The following SPON1 variants were observed in gnomAD, a reference collection of about 807,000 sequenced individuals.
SPON1 encodes spondin 1.
In SPON1, 52 loss-of-function variants were observed where a neutral mutation model predicts 111.7. That is an observed-to-expected ratio of 0.47 (90% confidence interval 0.37 to 0.59). The LOEUF (loss-of-function observed/expected upper bound fraction) is 0.59. Among genes scored for constraint, SPON1 ranks in the 20% least tolerant of loss-of-function variants. SPON1 has a pLI of 0.00. For synonymous variants in SPON1, 410 were observed against 395.8 expected (o/e 1.04, Z -0.43); for missense variants, 957 against 1,068.5 (o/e 0.90, Z 1.46).
At chr11:14,179,992 C>A (rs1367104550) in intron 6 of SPON1, among the ~76,000 whole-genome samples, 2 of 152,140 alleles carry the variant, frequency 1.3e-5, no homozygotes, top group Non-Finnish European at 2.9e-5. Flanking sequence ...GTTTCTTCAT[C>A]CCTCACCTGA....
chr11:14,256,572 CT>C (rs1554941231), intron 9 of SPON1, 44 bp from the exon 10 acceptor site: 1 of 1,381,696 alleles, frequency 7.2e-7, no homozygotes, highest in African/African-American at 1.4e-5. Flanking sequence ...TACACATTCC[CT>C]TCTTTCTCTC....
chr11:14,075,451 AGAGACAT>A, intron 4 of SPON1, 33 bp downstream of exon 4: 1 of 1,468,032 alleles, frequency 6.8e-7, no homozygotes, highest in South Asian at 1.2e-5. Context: ...GGGGAGGGGC[AGAGACAT>A]GGAAGGCAGC....
chr11:14,251,015 A>T (rs782636548), intron 7 of SPON1, among the ~76,000 whole-genome samples: 1 of 152,196 alleles, frequency 6.6e-6, no homozygotes, highest in African/African-American at 2.4e-5. Context: ...TCCTCACTCT[A>T]TTGGAACCTG....
At chr11:14,204,046 G>T (rs550689357) in intron 6 of SPON1, among the ~76,000 whole-genome samples, 71 of 152,274 alleles carry the variant, frequency 4.7e-4, no homozygotes, top group African/African-American at 1.6e-3. Context: ...TCGGTGTAAT[G>T]GCAATCTTCT....
chr11:14,011,108 C>T (rs2133798444), intron 2 of SPON1, among the ~76,000 whole-genome samples: 2 of 152,240 alleles, frequency 1.3e-5, no homozygotes, highest in Middle Eastern at 3.4e-3. Context: ...CTCCTATCCT[C>T]GGCAGCTGAG....
At chr11:14,100,036 A>C (rs1554924240) in intron 5 of SPON1, among the ~76,000 whole-genome samples, 2 of 152,116 alleles carry the variant, frequency 1.3e-5, no homozygotes, top group African/African-American at 4.8e-5. Flanking sequence ...CCCCATCTCC[A>C]ATACTGGGGG....
intron 3 of SPON1, among the ~76,000 whole-genome samples, chr11:14,050,306 T>C (rs545676854): frequency 1.3e-5 from 2 of 152,324 alleles, no homozygotes; most frequent in South Asian, 4.2e-4. Context: ...TTCTTTGTGG[T>C]CATAATGTAG....
At chr11:14,224,103 C>T (rs1383058033) in intron 6 of SPON1, among the ~76,000 whole-genome samples, 3 of 152,170 alleles carry the variant, frequency 2.0e-5, no homozygotes, top group Non-Finnish European at 4.4e-5. Flanking sequence ...ATTAAACAAA[C>T]ATTTATTTAA....
Position 14,162,944 on chromosome 11 carries a change from TC to T in SPON1, c.825+27377del, listed in dbSNP as rs202106651. Reference sequence around the variant, plus strand: ...TGCAAAGAGGTTAAGTGTTGGCTAGTCAAGAGAGCTTCTGCAATACAGTTAT... The same window carrying T: ...TGCAAAGAGGTTAAGTGTTGGCTAGTAAGAGAGCTTCTGCAATACAGTTAT... On this transcript the variant is annotated intron_variant, in intron 6 of 15. Transcript: ENST00000576479. Among the ~76,000 whole-genome samples the T allele has an allele frequency of 5.6e-4, 86 of 152,298 alleles. 1 individual carries two copies. In the East Asian group the frequency reaches 0.016, roughly 28 times the overall value.
intron 6 of SPON1, among the ~76,000 whole-genome samples, chr11:14,200,221 T>G (rs1283507097): frequency 6.6e-6 from 1 of 152,204 alleles, no homozygotes; most frequent in Non-Finnish European, 1.5e-5. Context: ...GTTTATAGCT[T>G]GTCTTGTGTG....
In SPON1 at chr11:14,179,593, C is replaced by T. The variant is rs578037433; in HGVS notation, c.825+44025C>T. On this transcript the variant is annotated intron_variant, in intron 6 of 15. Transcript: ENST00000576479. ...ACATATCTGACTGGGACTGCCAGTG[C>T]TGTGTGACCTTGAGCAAGTTACTTA... 6.6e-5 allele frequency among the ~76,000 whole-genome samples: 10 copies of T among 152,246 alleles called. No homozygotes were observed. The South Asian group carries it at 2.1e-3, about 32-fold the overall frequency.
At chr11:14,240,079 C>A (rs782125094) in intron 6 of SPON1, among the ~76,000 whole-genome samples, 3 of 152,146 alleles carry the variant, frequency 2.0e-5, no homozygotes, top group Non-Finnish European at 4.4e-5. Context: ...TTTATGAAAA[C>A]AACTAAATAT....
intron 5 of SPON1, among the ~76,000 whole-genome samples, chr11:14,116,540 G>A (rs1454287126): frequency 6.6e-6 from 1 of 152,092 alleles, no homozygotes; most frequent in African/African-American, 2.4e-5. Flanking sequence ...CTGTACATCT[G>A]TGGGTCTGTT....
chr11:14,154,121 T>G (rs1354245114), intron 6 of SPON1, among the ~76,000 whole-genome samples: 5 of 152,158 alleles, frequency 3.3e-5, no homozygotes, highest in African/African-American at 1.2e-4. Context: ...AGGCACATGG[T>G]GCAAGCTGTT....
intron 3 of SPON1, among the ~76,000 whole-genome samples, chr11:14,057,286 T>C (rs1379669208): frequency 6.6e-6 from 1 of 152,212 alleles, no homozygotes; most frequent in East Asian, 1.9e-4. Context: ...CTGCTAGAGA[T>C]GCATAACCTG....
chr11:13,980,164 G>C (rs142334975), intron 1 of SPON1, among the ~76,000 whole-genome samples: 2 of 151,570 alleles, frequency 1.3e-5, no homozygotes, highest in Non-Finnish European at 2.9e-5. Flanking sequence ...CCTCAGCCTC[G>C]TGAGTAGCTG....
chr11:14,058,828 T>C (rs188937473), intron 3 of SPON1, among the ~76,000 whole-genome samples: 3 of 152,276 alleles, frequency 2.0e-5, no homozygotes, highest in Admixed American at 1.3e-4. Context: ...AGAAGAAAAT[T>C]GAAGCACAGC....
intron 3 of SPON1, among the ~76,000 whole-genome samples, chr11:14,072,407 A>C (rs1312539181): frequency 1.3e-5 from 2 of 152,118 alleles, no homozygotes; most frequent in African/African-American, 4.8e-5. Context: ...ATGCACTATC[A>C]TGCTTTTAAA....
intron 3 of SPON1, among the ~76,000 whole-genome samples, chr11:14,052,900 G>A (rs782060305): frequency 5.9e-5 from 9 of 152,192 alleles, no homozygotes; most frequent in Non-Finnish European, 8.8e-5. Flanking sequence ...GAAGCTTGGT[G>A]GGAAGACTAA....
Sources: gnomAD v4.1 joint callset for allele counts (sites outside exome capture counted in the v4.1 genomes callset) on GRCh38, gnomAD v4.1.1 for gene constraint, MANE v1.5 for transcripts, NCBI Gene and HGNC (gene_info 2026-07-23, HGNC 2026-07-21) for gene names.